FARS2: variants seen among roughly 807,000 people sequenced by gnomAD.
The protein encoded by FARS2 is phenylalanine--tRNA ligase, mitochondrial.
Under a neutral mutation model 46.4 loss-of-function variants are expected in FARS2, and 40 were observed. The ratio of observed to expected loss-of-function variants is 0.86; its 90% CI spans 0.67 to 1.12. The LOEUF (loss-of-function observed/expected upper bound fraction) is 1.12, where lower values mean the gene tolerates loss of function less well. Among genes scored for constraint, FARS2 ranks in the 50% most tolerant of loss-of-function variants. The pLI is 0.00. For synonymous variants in FARS2, 234 were observed against 214.9 expected (o/e 1.09, Z -0.78); for missense variants, 513 against 567.9 (o/e 0.90, Z 0.98).
chr6:5,440,215 T>C (rs1160365817), intron 4 of FARS2, among the ~76,000 whole-genome samples: 1 of 152,232 alleles, frequency 6.6e-6, no homozygotes. Flanking sequence ...TAAATCTTTA[T>C]GCATATTTAT....
intron 4 of FARS2, among the ~76,000 whole-genome samples, chr6:5,469,278 G>A (rs1427522118): frequency 2.0e-5 from 3 of 152,168 alleles, no homozygotes; most frequent in African/African-American, 4.8e-5. Context: ...TGTCCTGTGC[G>A]TTGCTGCACT....
At chr6:5,566,937 G>A (rs1397354878) in intron 5 of FARS2, among the ~76,000 whole-genome samples, 2 of 152,222 alleles carry the variant, frequency 1.3e-5, no homozygotes, top group East Asian at 3.8e-4. Context: ...TTGCAAAACT[G>A]TCACTGAGAC....
At chr6:5,721,269 T>A (rs1376695478) in intron 6 of FARS2, among the ~76,000 whole-genome samples, 1 of 152,256 alleles carries the variant, frequency 6.6e-6, no homozygotes, top group African/African-American at 2.4e-5. Flanking sequence ...TACCAGCTTC[T>A]GTATTCAGTC....
chr6:5,508,546 C>T (rs80129375), intron 4 of FARS2, among the ~76,000 whole-genome samples: 2 of 112,504 alleles, frequency 1.8e-5, no homozygotes, highest in African/African-American at 3.4e-5. Context: ...GCAGGTGGGG[C>T]GGGGGAGGGG....
At chr6:5,612,338 G>A (rs949197351) in intron 5 of FARS2, among the ~76,000 whole-genome samples, 11 of 152,158 alleles carry the variant, frequency 7.2e-5, no homozygotes, top group African/African-American at 2.7e-4. Flanking sequence ...TTTGGATTTA[G>A]CAGATATTTC....
chr6:5,265,161 G>A lies in FARS2; in HGVS notation c.-22+3501G>A, dbSNP rs549043042. Among the ~76,000 whole-genome samples, 14 of 152,288 alleles carry A rather than the reference G, an allele frequency of 9.2e-5. No homozygotes were observed. In the South Asian group the frequency reaches 2.7e-3, roughly 29 times the overall value. ...TATTAGTAAACGCTAAAGGAATAGG[G>A]AAGAGGAATATTGAACCAGGAGTTT... is the stretch of plus-strand genomic sequence containing the variant. On this transcript the variant is annotated intron_variant, in intron 1 of 6. Coordinates refer to ENST00000274680, the MANE Select transcript of FARS2 (RefSeq NM_006567.5).
intron 6 of FARS2, among the ~76,000 whole-genome samples, chr6:5,708,475 T>A (rs1758904243): frequency 6.6e-6 from 1 of 152,030 alleles, no homozygotes; most frequent in African/African-American, 2.4e-5. Context: ...CCCAGGCAGG[T>A]GTCCTGAAGG....
At chr6:5,491,966 A>T (rs1008738909) in intron 4 of FARS2, among the ~76,000 whole-genome samples, 1 of 152,042 alleles carries the variant, frequency 6.6e-6, no homozygotes, top group African/African-American at 2.4e-5. Context: ...CTCCTTTTAC[A>T]GGACTTAGTA....
At chr6:5,491,235 A>G (rs1767088207) in intron 4 of FARS2, among the ~76,000 whole-genome samples, 1 of 152,060 alleles carries the variant, frequency 6.6e-6, no homozygotes, top group South Asian at 2.1e-4. Flanking sequence ...TCTCTTGTGA[A>G]GGGTTTGTCC....
At chr6:5,426,328 A>G (rs1268366769) in intron 3 of FARS2, among the ~76,000 whole-genome samples, 1 of 152,164 alleles carries the variant, frequency 6.6e-6, no homozygotes, top group African/African-American at 2.4e-5. Flanking sequence ...TCCTCTATTA[A>G]TATATAACAC....
intron 6 of FARS2, among the ~76,000 whole-genome samples, chr6:5,739,423 TG>T (rs2150949375): frequency 6.6e-6 from 1 of 152,246 alleles, no homozygotes; most frequent in Admixed American, 6.5e-5. Flanking sequence ...AACACCTGCC[TG>T]TTGTTTGACC....
chr6:5,413,700 T>A (rs530479371), intron 3 of FARS2, among the ~76,000 whole-genome samples: 3 of 152,336 alleles, frequency 2.0e-5, no homozygotes, highest in Non-Finnish European at 4.4e-5. Flanking sequence ...AAACCTAGCC[T>A]TGAATATGTG....
chr6:5,399,127 TTTATTATTATTA>T (rs56236107), intron 2 of FARS2, among the ~76,000 whole-genome samples: 11,004 of 125,676 alleles, frequency 0.088, 520 homozygotes, highest in Admixed American at 0.14. Flanking sequence ...TTTATATTAT[TTTATTATTATTA>T]TTATTATTAT....
chr6:5,266,215 C>T (rs774095338), intron 1 of FARS2, among the ~76,000 whole-genome samples: 15 of 152,102 alleles, frequency 9.9e-5, no homozygotes, highest in Non-Finnish European at 2.2e-4. Flanking sequence ...AGGCTTTGGC[C>T]AGAGCTGTAG....
At chr6:5,367,731 G>C (rs1758774102) in intron 1 of FARS2, among the ~76,000 whole-genome samples, 1 of 152,080 alleles carries the variant, frequency 6.6e-6, no homozygotes, top group African/African-American at 2.4e-5. Flanking sequence ...CTGGTTAATT[G>C]TGGGTGTGTA....
At chr6:5,262,000 A>G (rs36117780) in intron 1 of FARS2, among the ~76,000 whole-genome samples, 53,776 of 151,846 alleles carry the variant, frequency 0.35, 11,431 homozygotes, top group African/African-American at 0.6. Context: ...TGGACGCAGG[A>G]AGCTTCAGCC....
At chr6:5,262,289 T>C (rs1248947138) in intron 1 of FARS2, among the ~76,000 whole-genome samples, 1 of 152,188 alleles carries the variant, frequency 6.6e-6, no homozygotes, top group Non-Finnish European at 1.5e-5. Context: ...TTCCTTTTCT[T>C]TTTTTTGAGA....
intron 6 of FARS2, among the ~76,000 whole-genome samples, chr6:5,698,070 A>G (rs1249681177): frequency 6.6e-6 from 1 of 152,226 alleles, no homozygotes; most frequent in African/African-American, 2.4e-5. Context: ...GGAAGAAAAG[A>G]TAAAGCACCA....
chr6:5,645,431 A>C (rs1259894973), intron 6 of FARS2, among the ~76,000 whole-genome samples: 1 of 152,168 alleles, frequency 6.6e-6, no homozygotes, highest in Non-Finnish European at 1.5e-5. Context: ...AACAAACCCT[A>C]AGGGATGAGG....
Sources: allele counts gnomAD v4.1 joint callset (sites outside exome capture counted in the v4.1 genomes callset), GRCh38; gene constraint gnomAD v4.1.1; transcripts MANE v1.5; gene names NCBI Gene and HGNC (gene_info 2026-07-23, HGNC 2026-07-21).